Variants in SNX19 observed in about 807,000 individuals in gnomAD.
The protein encoded by SNX19 is sorting nexin 19.
SNX19 carries 60 observed loss-of-function variants against 85.2 expected under a neutral mutation model. That is an observed-to-expected ratio of 0.70 (90% CI 0.57 to 0.87). The LOEUF (loss-of-function observed/expected upper bound fraction) is 0.87. SNX19 is among the 40% of genes least tolerant of loss of function. SNX19 has a pLI of 0.00. For missense variants in SNX19, 1,201 were observed against 1,217.8 expected (o/e 0.99, Z 0.21); for synonymous variants, 520 against 470.0 (o/e 1.11, Z -1.38).
chr11:130,900,763 G>C (rs1269235653), intron 8 of SNX19, among the ~76,000 whole-genome samples: 1 of 152,110 alleles, frequency 6.6e-6, no homozygotes, highest in Non-Finnish European at 1.5e-5. Flanking sequence ...ACACTAGCTA[G>C]TTTTGGGATC....
intron 8 of SNX19, among the ~76,000 whole-genome samples, chr11:130,890,781 T>C (rs1379451984): frequency 2.6e-5 from 4 of 152,154 alleles, no homozygotes; most frequent in Non-Finnish European, 5.9e-5. Flanking sequence ...ATCCCTTCTC[T>C]GAATCACATA....
chr11:130,903,609 A>T (rs924925489), intron 7 of SNX19, among the ~76,000 whole-genome samples: 1 of 151,656 alleles, frequency 6.6e-6, no homozygotes, highest in African/African-American at 2.4e-5. Flanking sequence ...TGATATTGTA[A>T]CCTAATAAAT....
Position 130,880,268 on chromosome 11 carries a change from T to A in SNX19, c.2758+354A>T, listed in dbSNP as rs575556505. The stretch of plus-strand genomic sequence containing the variant: ...CTATGAATTGGTAGAGAATCTGAAG[T>A]CTTCATCTCCTGGAAATGGCTCTGA... On this transcript the variant is annotated intron_variant, in intron 9 of 10. Coordinates refer to ENST00000265909, the MANE Select transcript of SNX19 (RefSeq NM_014758.3). 4.6e-5 allele frequency among the ~76,000 whole-genome samples: 7 copies of A among 152,334 alleles called. No individual in the cohort carries two copies. The East Asian group carries it at 9.7e-4, about 21-fold the overall frequency.
intron 8 of SNX19, among the ~76,000 whole-genome samples, chr11:130,886,073 T>C (rs1944044236): frequency 6.6e-6 from 1 of 152,160 alleles, no homozygotes; most frequent in African/African-American, 2.4e-5. Context: ...GAGGACAAAA[T>C]TGCTCCAGTT....
chr11:130,874,007 G>A lies in SNX19; in HGVS notation c.*4415C>T, dbSNP rs1233867047. On this transcript the variant is annotated 3_prime_UTR_variant, in exon 11 of 11. Transcript: ENST00000265909. ...CATGAGGTGGGTGGTTCTAGCCAAT[G>A]AGTCATAAGAGGTTTTTTGTTTTTT... 2.0e-5 allele frequency among the ~76,000 whole-genome samples: 3 copies of A among 149,848 alleles called. No individual in the cohort carries two copies. The highest frequency in any genetic ancestry group is 3.0e-5 in the Non-Finnish European group (2 of 67,518).
chr11:130,906,485 C>T, intron 6 of SNX19, 140 bp downstream of exon 6: 1 of 689,808 alleles, frequency 1.4e-6, no homozygotes, highest in Non-Finnish European at 2.5e-6. Context: ...ATACTTTTAG[C>T]ATAAAAGCTG....
At chr11:130,907,084 TG>T (rs1389261153) in intron 5 of SNX19, among the ~76,000 whole-genome samples, 1 of 152,210 alleles carries the variant, frequency 6.6e-6, no homozygotes, top group Non-Finnish European at 1.5e-5. Context: ...AACAGACAGG[TG>T]GCATAGAGCA....
At chr11:130,905,072 T>A (rs951355556) in intron 7 of SNX19, among the ~76,000 whole-genome samples, 1 of 152,238 alleles carries the variant, frequency 6.6e-6, no homozygotes, top group South Asian at 2.1e-4. Context: ...GATTTTGTGA[T>A]CTTTTATTCT....
intron 7 of SNX19, chr11:130,905,720 C>T: frequency 6.5e-7 from 1 of 1,535,258 alleles, no homozygotes; most frequent in Non-Finnish European, 8.7e-7. Flanking sequence ...TCTCATCCTG[C>T]TGGATTAGAA....
intron 10 of SNX19, 132 bp from the exon 11 acceptor site, chr11:130,878,686 G>T (rs2135271029): frequency 8.7e-7 from 1 of 1,143,324 alleles, no homozygotes; most frequent in South Asian, 1.9e-5. Context: ...CCTCTGCCAT[G>T]AAATTAATGT....
At chr11:130,909,880 T>C in intron 4 of SNX19, 138 bp downstream of exon 4, 9 of 1,128,640 alleles carry the variant, frequency 8.0e-6, no homozygotes, top group Non-Finnish European at 1.1e-5. Flanking sequence ...ACAATTTAAG[T>C]CCATGTTCTA....
chr11:130,874,518 A>C lies in SNX19; in HGVS notation c.*3904T>G, dbSNP rs1387384799. ...CAAGGAAGAAAGATGGAAAGAATTC[A>C]GGCCCCTTAAGAGGTCTCAGAGTTG... is the stretch of plus-strand genomic sequence containing the variant. On this transcript the variant is annotated 3_prime_UTR_variant, in exon 11 of 11. Coordinates refer to ENST00000265909, the MANE Select transcript of SNX19 (RefSeq NM_014758.3). Among the ~76,000 whole-genome samples the C allele has an allele frequency of 6.6e-6, 1 of 152,236 alleles. No homozygotes were observed. Among genetic ancestry groups the C allele is most frequent in the African/African-American group, 2.4e-5 (1 of 41,476 alleles).
rs1351000187 is a variant in SNX19 at position 130,869,074 on chromosome 11, T to C, written c.*9348A>G. The C allele has an allele frequency of 6.6e-6, 1 of 152,216 alleles. No individual in the cohort carries two copies. The highest frequency in any genetic ancestry group is 1.5e-5 in the Non-Finnish European group (1 of 68,052). The allele number at this position is 152,216 out of a possible 1,614,324, so 9.4% of individuals were successfully genotyped here. ...GGTGAAAATTGTCTGCCATGGTATA[T>C]GCTGGAAAAACTCTGGGAAACAAGA... On this transcript the variant is annotated 3_prime_UTR_variant, in exon 11 of 11. Coordinates refer to ENST00000265909, the MANE Select transcript of SNX19 (RefSeq NM_014758.3).
At position 130,872,766 on chromosome 11, in the gene SNX19, A is replaced by G. The variant is rs1943078407; in HGVS notation, c.*5656T>C. 6.6e-6 allele frequency among the ~76,000 whole-genome samples: 1 copy of G among 152,166 alleles called. No individual in the cohort carries two copies. Among genetic ancestry groups the G allele is most frequent in the African/African-American group, 2.4e-5 (1 of 41,444 alleles). On this transcript the variant is annotated 3_prime_UTR_variant, in exon 11 of 11. Coordinates refer to ENST00000265909, the MANE Select transcript of SNX19 (RefSeq NM_014758.3). ...TTAGGCCTTCGACTACAAAAGTATC[A>G]TGGTTTCCCTTCCTCCCCAGTTACC...
In SNX19 at chr11:130,906,211, C is replaced by T. The variant is rs551921958; in HGVS notation, c.2263-78G>A. 8.5e-5 allele frequency: 123 copies of T among 1,443,228 alleles called. 2 individuals are homozygous for T. In the South Asian group the frequency reaches 1.5e-3, roughly 18 times the overall value. 89.4% of individuals were successfully genotyped at this position (1,443,228 alleles called of 1,614,324 possible). A position where few individuals can be genotyped will look rare whatever the true frequency, so the allele number is the denominator to read the frequency against. On this transcript the variant is annotated intron_variant, in intron 6 of 10. Coordinates refer to ENST00000265909, the MANE Select transcript of SNX19 (RefSeq NM_014758.3). The stretch of plus-strand genomic sequence containing the variant: ...AAATGCAGCACTCTAGGTTTCCCTG[C>T]CTCTCCCCTGCATAAGTACCTTGGG...
chr11:130,912,590 G>C (rs1179575762), intron 1 of SNX19, among the ~76,000 whole-genome samples: 1 of 152,198 alleles, frequency 6.6e-6, no homozygotes, highest in Non-Finnish European at 1.5e-5. Context: ...TTTTTCGGTT[G>C]AGGTATACTG....
chr11:130,911,427 A>G (rs990434906), intron 2 of SNX19: 5 of 1,378,312 alleles, frequency 3.6e-6, no homozygotes, highest in Admixed American at 3.1e-5. Context: ...CTCCAGAACA[A>G]AGCAGTTGGC....
chr11:130,890,890 C>CTTTTTTTTTTTT, intron 8 of SNX19, among the ~76,000 whole-genome samples: 1 of 143,036 alleles, frequency 7.0e-6, no homozygotes. Context: ...GGATTTGGGT[C>CTTTTTTTTTTTT]TTTTTTTTTT....
At chr11:130,886,313 G>A (rs1049124356) in intron 8 of SNX19, among the ~76,000 whole-genome samples, 1 of 152,100 alleles carries the variant, frequency 6.6e-6, no homozygotes, top group Non-Finnish European at 1.5e-5. Context: ...TCAGATCTGC[G>A]TGCATGCATA....
Sources: gnomAD v4.1 joint callset for allele counts (sites outside exome capture counted in the v4.1 genomes callset) on GRCh38, gnomAD v4.1.1 for gene constraint, MANE v1.5 for transcripts, NCBI Gene and HGNC (gene_info 2026-07-23, HGNC 2026-07-21) for gene names.